The following CSMD1 variants were observed in gnomAD, a reference collection of about 807,000 sequenced individuals.
CSMD1 encodes CUB and sushi domain-containing protein 1.
A neutral mutation model predicts 417.5 loss-of-function variants in CSMD1; 213 were observed. The observed-to-expected ratio is 0.51, with a 90% CI of 0.46 to 0.57. CSMD1 has a LOEUF of 0.57. CSMD1 is among the 20% of genes least tolerant of loss of function. The probability of loss-of-function intolerance (pLI) is 0.00; values close to 1 mark genes in which losing one functional copy is unlikely to be tolerated. For synonymous variants in CSMD1, 2,862 were observed against 1,736.8 expected (o/e 1.65, Z -16.11); for missense variants, 6,923 against 4,529.7 (o/e 1.53, Z -15.17).
chr8:4,156,649 G>A lies in CSMD1; in HGVS notation c.416-124550C>T, dbSNP rs186164705. 4.5e-4 allele frequency among the ~76,000 whole-genome samples: 69 copies of A among 152,184 alleles called. 1 individual carries two copies. The highest frequency in any genetic ancestry group is 4.1e-3 in the South Asian group (20 of 4,830). ...AGTTTTTGCTATTTGGTGATACCAG[G>A]TACCCATCTGCTTGTGATTTAAGAT... On this transcript the variant is annotated intron_variant, in intron 3 of 69. Coordinates refer to ENST00000635120, the MANE Select transcript of CSMD1 (RefSeq NM_033225.6).
At chr8:4,694,581 T>C (rs1254285089) in intron 1 of CSMD1, among the ~76,000 whole-genome samples, 1 of 151,952 alleles carries the variant, frequency 6.6e-6, no homozygotes, top group Non-Finnish European at 1.5e-5. Flanking sequence ...GCCAGGATCG[T>C]CTTGATCTCC....
chr8:3,752,695 A>AAAAC (rs1797414633), intron 6 of CSMD1, among the ~76,000 whole-genome samples: 2 of 105,842 alleles, frequency 1.9e-5, no homozygotes, highest in African/African-American at 6.3e-5. Context: ...AAAAAAAAAA[A>AAAAC]AAAAAAAAAC....
chr8:3,431,959 G>A (rs181909422), intron 12 of CSMD1, among the ~76,000 whole-genome samples: 5 of 152,310 alleles, frequency 3.3e-5, no homozygotes, highest in Admixed American at 6.5e-5. Context: ...AATGTTAGTA[G>A]ATGCTTGATA....
chr8:3,205,714 G>A (rs1036921685), intron 30 of CSMD1, 94 bp from the exon 31 acceptor site: 3 of 519,796 alleles, frequency 5.8e-6, no homozygotes, highest in South Asian at 3.1e-5. Context: ...ACGTGAGCAC[G>A]TTTATTGAAA....
chr8:4,180,698 G>C (rs1053438740), intron 3 of CSMD1, among the ~76,000 whole-genome samples: 1 of 152,136 alleles, frequency 6.6e-6, no homozygotes, highest in African/African-American at 2.4e-5. Flanking sequence ...TAGCTCACTG[G>C]TTGTCATGGA....
chr8:3,725,554 T>A (rs919234435), intron 6 of CSMD1, among the ~76,000 whole-genome samples: 1 of 152,140 alleles, frequency 6.6e-6, no homozygotes, highest in Admixed American at 6.5e-5. Flanking sequence ...CATGAGCTGC[T>A]TGTATTAAGT....
chr8:4,503,714 G>A (rs1802377458), intron 2 of CSMD1, among the ~76,000 whole-genome samples: 1 of 152,052 alleles, frequency 6.6e-6, no homozygotes, highest in African/African-American at 2.4e-5. Context: ...AGTGGGAGCT[G>A]GAAATTAGGG....
chr8:4,130,699 G>A (rs773632112), intron 3 of CSMD1, among the ~76,000 whole-genome samples: 5 of 149,434 alleles, frequency 3.3e-5, no homozygotes, highest in African/African-American at 7.4e-5. Context: ...AATTTTGGAG[G>A]GGAGTAGATA....
chr8:3,781,145 G>C (rs903190567), intron 5 of CSMD1, among the ~76,000 whole-genome samples: 7 of 152,128 alleles, frequency 4.6e-5, no homozygotes, highest in Non-Finnish European at 7.4e-5. Flanking sequence ...TCATGATCAA[G>C]GTTGTCCAAA....
At chr8:4,041,938 C>G (rs969275308) in intron 3 of CSMD1, among the ~76,000 whole-genome samples, 3 of 151,788 alleles carry the variant, frequency 2.0e-5, no homozygotes, top group Admixed American at 6.6e-5. Flanking sequence ...GTAGAGATAG[C>G]AAGATAAAGT....
chr8:4,710,350 C>T (rs1242125518), intron 1 of CSMD1, among the ~76,000 whole-genome samples: 2 of 147,800 alleles, frequency 1.4e-5, no homozygotes, highest in East Asian at 3.9e-4. Context: ...ATTAATACTT[C>T]AATTATATAT....
At chr8:4,830,255 T>G (rs908422899) in intron 1 of CSMD1, among the ~76,000 whole-genome samples, 1 of 152,166 alleles carries the variant, frequency 6.6e-6, no homozygotes, top group East Asian at 1.9e-4. Flanking sequence ...AACACCCAAA[T>G]GAATTCAAGC....
At chr8:4,736,274 G>C (rs1000449163) in intron 1 of CSMD1, among the ~76,000 whole-genome samples, 9 of 152,002 alleles carry the variant, frequency 5.9e-5, no homozygotes, top group Non-Finnish European at 1.3e-4. Context: ...TTTTCTTCAG[G>C]TCACTGCACA....
At chr8:3,527,002 G>A (rs1797780620) in intron 10 of CSMD1, among the ~76,000 whole-genome samples, 1 of 151,852 alleles carries the variant, frequency 6.6e-6, no homozygotes, top group African/African-American at 2.4e-5. Flanking sequence ...TCCTTTTCTG[G>A]TTGCCTCTCC....
intron 26 of CSMD1, chr8:3,279,271 C>G (rs758662137): frequency 3.3e-5 from 5 of 152,196 alleles, no homozygotes; most frequent in Non-Finnish European, 5.9e-5. Flanking sequence ...GACCATGTCC[C>G]TCTCTGGACT....
Position 4,050,537 on chromosome 8 carries a change from G to C in CSMD1, c.416-18438C>G, listed in dbSNP as rs961190689. ...TCATCCTGGAGGGGTAAATCTTTAA[G>C]CATTTATTCTTCATGTTACAAACAA... is the stretch of plus-strand genomic sequence containing the variant. On this transcript the variant is annotated intron_variant, in intron 3 of 69. Transcript: ENST00000635120. Among the ~76,000 whole-genome samples, 7 of 151,992 alleles carry C rather than the reference G, an allele frequency of 4.6e-5. No homozygotes were observed. In the South Asian group the frequency reaches 6.2e-4, roughly 14 times the overall value.
intron 2 of CSMD1, among the ~76,000 whole-genome samples, chr8:4,444,094 C>T (rs77439086): frequency 6.6e-6 from 1 of 151,970 alleles, no homozygotes; most frequent in African/African-American, 2.4e-5. Context: ...GTAACCCCAG[C>T]ACTTTGGGAG....
intron 2 of CSMD1, among the ~76,000 whole-genome samples, chr8:4,425,645 T>C (rs1450041776): frequency 6.6e-6 from 1 of 151,744 alleles, no homozygotes; most frequent in Non-Finnish European, 1.5e-5. Flanking sequence ...CATTTTATTC[T>C]TGTCTGCCTC....
intron 69 of CSMD1, among the ~76,000 whole-genome samples, chr8:2,941,038 T>C (rs755291979): frequency 6.6e-6 from 1 of 152,222 alleles, no homozygotes; most frequent in Non-Finnish European, 1.5e-5. Context: ...ATTTACTAAA[T>C]TTTAAATTAG....
Sources: gnomAD v4.1 joint callset for allele counts (sites outside exome capture counted in the v4.1 genomes callset) on GRCh38, gnomAD v4.1.1 for gene constraint, MANE v1.5 for transcripts, NCBI Gene and HGNC (gene_info 2026-07-23, HGNC 2026-07-21) for gene names.